The following LDLRAD3 variants were observed in gnomAD, a reference collection of about 807,000 sequenced individuals.
LDLRAD3 encodes the protein low-density lipoprotein receptor class A domain-containing protein 3.
In LDLRAD3, 20 loss-of-function variants were observed where a neutral mutation model predicts 29.4. The ratio of observed to expected loss-of-function variants is 0.68; its 90% CI spans 0.48 to 0.99. The LOEUF is 0.99. Among genes scored for constraint, LDLRAD3 ranks in the 50% least tolerant of loss-of-function variants. The pLI is 0.00. For missense variants in LDLRAD3, 420 were observed against 454.3 expected (o/e 0.92, Z 0.69); for synonymous variants, 157 against 192.7 (o/e 0.81, Z 1.53).
intron 4 of LDLRAD3, among the ~76,000 whole-genome samples, chr11:36,100,372 T>A (rs555206964): frequency 6.6e-6 from 1 of 152,282 alleles, no homozygotes; most frequent in South Asian, 2.1e-4. Flanking sequence ...GGAACAAGAA[T>A]GCAAAATCAA....
chr11:36,200,056 A>G (rs1855100154), intron 4 of LDLRAD3, among the ~76,000 whole-genome samples: 1 of 152,176 alleles, frequency 6.6e-6, no homozygotes, highest in Non-Finnish European at 1.5e-5. Flanking sequence ...AGTCCTAGCT[A>G]CTTGGGAGTC....
chr11:36,130,118 A>C (rs7111128), intron 4 of LDLRAD3, among the ~76,000 whole-genome samples: 119,836 of 152,168 alleles, frequency 0.79, 47,504 homozygotes, highest in East Asian at 0.99. Flanking sequence ...CAGTTCACTG[A>C]AGAGTTGAGA....
intron 1 of LDLRAD3, among the ~76,000 whole-genome samples, chr11:35,999,417 AAGCAGGACTGCTCCAGGGGCCTGGCTGC>A (rs1851794792): frequency 1.3e-5 from 2 of 152,160 alleles, no homozygotes; most frequent in Non-Finnish European, 1.5e-5. Flanking sequence ...ACGGCGTTTA[AAGCAGGACTGCTCCAGGGGCCTGGCTGC>A]AGCCACAAGC....
At chr11:36,068,411 A>G (rs1852832570) in intron 2 of LDLRAD3, among the ~76,000 whole-genome samples, 1 of 152,186 alleles carries the variant, frequency 6.6e-6, no homozygotes, top group Non-Finnish European at 1.5e-5. Context: ...GTTCTATACC[A>G]TCTTTATCTT....
chr11:35,952,375 C>T (rs1026039776), intron 1 of LDLRAD3, among the ~76,000 whole-genome samples: 4 of 152,112 alleles, frequency 2.6e-5, no homozygotes, highest in African/African-American at 7.2e-5. Context: ...TCATGCTTAT[C>T]GTGTTGGATA....
At chr11:36,014,006 G>C (rs1398131760) in intron 1 of LDLRAD3, among the ~76,000 whole-genome samples, 1 of 152,144 alleles carries the variant, frequency 6.6e-6, no homozygotes, top group Non-Finnish European at 1.5e-5. Context: ...TCTTCAGTTG[G>C]TTCTTTCTTT....
At chr11:36,000,130 A>G (rs1159260937) in intron 1 of LDLRAD3, among the ~76,000 whole-genome samples, 3 of 152,156 alleles carry the variant, frequency 2.0e-5, no homozygotes, top group African/African-American at 7.2e-5. Flanking sequence ...GGAAGGATCT[A>G]TATGGTATAA....
At chr11:36,223,370 C>T (rs532358685) in intron 4 of LDLRAD3, among the ~76,000 whole-genome samples, 8 of 152,258 alleles carry the variant, frequency 5.3e-5, no homozygotes, top group East Asian at 1.9e-4. Context: ...CAGAAGTCAG[C>T]GTTTTAAAAT....
chr11:36,177,641 T>A lies in LDLRAD3; in HGVS notation c.455-49444T>A, dbSNP rs576364888. The stretch of plus-strand genomic sequence containing the variant: ...TGGACTCCAGGCTGGTGCTAGGGAG[T>A]GCCTGCAGAGAGTCAAAGAGTCCTG... On this transcript the variant is annotated intron_variant, in intron 4 of 5. Coordinates refer to ENST00000315571, the MANE Select transcript of LDLRAD3 (RefSeq NM_174902.4). 7.2e-5 allele frequency among the ~76,000 whole-genome samples: 11 copies of A among 152,192 alleles called. No individual in the cohort carries two copies. In the East Asian group the frequency reaches 2.1e-3, roughly 29 times the overall value.
In LDLRAD3 at chr11:36,096,520, T is replaced by C. The variant is rs576250868; in HGVS notation, c.320-1807T>C. On this transcript the variant is annotated intron_variant, in intron 3 of 5. Transcript: ENST00000315571. ...TCATCATTACAGATGTTGCTCCTTGTGGGAGGGCCACACTCTGTAGGACCG... is the reference window on the plus strand; with the variant it reads ...TCATCATTACAGATGTTGCTCCTTGCGGGAGGGCCACACTCTGTAGGACCG... Among the ~76,000 whole-genome samples the C allele has an allele frequency of 2.6e-5, 4 of 152,350 alleles. No homozygotes were observed. In the East Asian group the frequency reaches 7.7e-4, roughly 29 times the overall value.
rs1853117457 is a variant in LDLRAD3 at position 36,081,712 on chromosome 11, A to G, written c.253A>G (p.Ile85Val). The G allele has an allele frequency of 6.2e-7, 1 of 1,614,212 alleles. No homozygotes were observed. Among genetic ancestry groups the G allele is most frequent in the Non-Finnish European group, 8.5e-7 (1 of 1,180,046 alleles). Residue 85 changes from isoleucine (I) to valine (V), a missense_variant, in exon 3 of 6, where the codon ATC (isoleucine) becomes GTC (valine). Coordinates refer to ENST00000315571, the MANE Select transcript of LDLRAD3 (RefSeq NM_174902.4). ...FFPCASGIHC[I>V]IGRFRCNGFE... is the part of the protein sequence containing the mutation. Reference sequence around the variant, plus strand: ...CCCCTGTGCCAGCGGCATCCATTGCATCATTGGTCGCTTCCGGTGCAATGG... The same window carrying G: ...CCCCTGTGCCAGCGGCATCCATTGCGTCATTGGTCGCTTCCGGTGCAATGG...
intron 1 of LDLRAD3, among the ~76,000 whole-genome samples, chr11:35,947,288 C>T (rs189147339): frequency 5.3e-5 from 8 of 152,212 alleles, no homozygotes; most frequent in African/African-American, 2.4e-5. Flanking sequence ...ATGTGTGGAT[C>T]GCTTGAGGTC....
At chr11:36,146,011 G>GA (rs59776162) in intron 4 of LDLRAD3, among the ~76,000 whole-genome samples, 15 of 145,146 alleles carry the variant, frequency 1.0e-4, no homozygotes, top group Admixed American at 2.7e-4. Flanking sequence ...ATAAAAAAAA[G>GA]AAAAAAAAAA....
intron 1 of LDLRAD3, among the ~76,000 whole-genome samples, chr11:35,956,142 G>C (rs973942): frequency 6.6e-6 from 1 of 151,968 alleles, no homozygotes; most frequent in African/African-American, 2.4e-5. Context: ...GGTTACTGAG[G>C]AGAAGGTGTA....
intron 4 of LDLRAD3, among the ~76,000 whole-genome samples, chr11:36,135,521 A>G (rs1853990664): frequency 6.6e-6 from 1 of 152,166 alleles, no homozygotes; most frequent in African/African-American, 2.4e-5. Flanking sequence ...CCATCTCCCA[A>G]AACAGTGATT....
At chr11:36,030,585 G>A (rs1852224285) in intron 1 of LDLRAD3, among the ~76,000 whole-genome samples, 1 of 152,128 alleles carries the variant, frequency 6.6e-6, no homozygotes, top group South Asian at 2.1e-4. Context: ...CTCTGGGGAG[G>A]TTCTAGACAA....
At chr11:35,990,167 G>C (rs1488823020) in intron 1 of LDLRAD3, among the ~76,000 whole-genome samples, 1 of 152,144 alleles carries the variant, frequency 6.6e-6, no homozygotes, top group Non-Finnish European at 1.5e-5. Flanking sequence ...TTGCCGTAAG[G>C]ATTTTATTTA....
rs115480755 is a variant in LDLRAD3 at position 36,171,587 on chromosome 11, C to T, written c.455-55498C>T. ...CCACTTTATGTTGTTGTTTGCTTTCCCCACTTTATGTTGTTGTTTGCTTTG... is the reference window on the plus strand; with the variant it reads ...CCACTTTATGTTGTTGTTTGCTTTCTCCACTTTATGTTGTTGTTTGCTTTG... On this transcript the variant is annotated intron_variant, in intron 4 of 5. Transcript: ENST00000315571. Among the ~76,000 whole-genome samples, 423 of 151,966 alleles carry T rather than the reference C, an allele frequency of 2.8e-3. 1 individual carries two copies. Among genetic ancestry groups the T allele is most frequent in the African/African-American group, 9.0e-3 (374 of 41,384 alleles).
At chr11:36,114,829 G>A (rs1261766094) in intron 4 of LDLRAD3, among the ~76,000 whole-genome samples, 3 of 152,020 alleles carry the variant, frequency 2.0e-5, no homozygotes, top group African/African-American at 7.2e-5. Flanking sequence ...TGTTACTTCT[G>A]TCTTTCTTCC....
Sources: gnomAD v4.1 joint callset for allele counts (sites outside exome capture counted in the v4.1 genomes callset) on GRCh38, gnomAD v4.1.1 for gene constraint, MANE v1.5 for transcripts, NCBI Gene and HGNC (gene_info 2026-07-23, HGNC 2026-07-21) for gene names.